The following NCOA3 variants were observed in gnomAD, a reference collection of about 807,000 sequenced individuals.
The protein encoded by NCOA3 is CBP-interacting protein.
Under a neutral mutation model 158.8 loss-of-function variants are expected in NCOA3, and 51 were observed. The observed-to-expected ratio is 0.32, with a 90% confidence interval of 0.26 to 0.41. The LOEUF is 0.41. Among genes scored for constraint, NCOA3 ranks in the 10% least tolerant of loss-of-function variants. The pLI is 1.00. For missense variants in NCOA3, 1,510 were observed against 1,746.6 expected (o/e 0.86, Z 2.41); for synonymous variants, 537 against 592.4 (o/e 0.91, Z 1.36).
chr20:47,628,156 G>A (rs1355124455), intron 8 of NCOA3, 133 bp downstream of exon 8: 4 of 517,610 alleles, frequency 7.7e-6, no homozygotes, highest in South Asian at 4.0e-5. Context: ...AGTGCTTTAT[G>A]TGTATCTTTT....
intron 19 of NCOA3, 60 bp from the exon 20 acceptor site, chr20:47,650,922 T>C: frequency 1.3e-6 from 2 of 1,490,686 alleles, no homozygotes; most frequent in South Asian, 1.2e-5. Context: ...GGGTACTATA[T>C]GTATGCAACT....
chr20:47,519,657 G>A (rs1210897638), intron 1 of NCOA3, among the ~76,000 whole-genome samples: 1 of 152,278 alleles, frequency 6.6e-6, no homozygotes, highest in East Asian at 1.9e-4. Flanking sequence ...GCCAGGCATG[G>A]TGGCACACAC....
chr20:47,644,075 T>C (rs1208969512), intron 17 of NCOA3, among the ~76,000 whole-genome samples: 1 of 151,946 alleles, frequency 6.6e-6, no homozygotes, highest in African/African-American at 2.4e-5. Context: ...ACCTTATCTC[T>C]CCTGTGTTTT....
At chr20:47,584,868 A>G (rs1231492895) in intron 2 of NCOA3, among the ~76,000 whole-genome samples, 1 of 152,098 alleles carries the variant, frequency 6.6e-6, no homozygotes, top group Non-Finnish European at 1.5e-5. Context: ...ACATACAAAT[A>G]CAAACATAAT....
intron 2 of NCOA3, among the ~76,000 whole-genome samples, chr20:47,590,266 G>C (rs2085607421): frequency 6.6e-6 from 1 of 152,092 alleles, no homozygotes; most frequent in Non-Finnish European, 1.5e-5. Flanking sequence ...CCTTTGTCTT[G>C]ACGGAATTTG....
intron 1 of NCOA3, among the ~76,000 whole-genome samples, chr20:47,549,544 A>C (rs1454603457): frequency 1.4e-5 from 2 of 141,970 alleles, no homozygotes; most frequent in Non-Finnish European, 3.0e-5. Context: ...TGGGCAACAG[A>C]GCGAAGACTC....
chr20:47,515,472 C>CTTTTTTT (rs111350575), intron 1 of NCOA3, among the ~76,000 whole-genome samples: 26 of 130,024 alleles, frequency 2.0e-4, no homozygotes, highest in Admixed American at 4.7e-4. Flanking sequence ...TTCTTTCTTT[C>CTTTTTTT]TTTTTTTTTT....
intron 1 of NCOA3, among the ~76,000 whole-genome samples, chr20:47,524,077 A>G (rs959865733): frequency 2.0e-5 from 3 of 152,268 alleles, no homozygotes; most frequent in Non-Finnish European, 4.4e-5. Flanking sequence ...TTTTCCTGTC[A>G]GTGGGACAAT....
At chr20:47,570,500 C>T (rs2085274124) in intron 1 of NCOA3, among the ~76,000 whole-genome samples, 1 of 152,192 alleles carries the variant, frequency 6.6e-6, no homozygotes. Flanking sequence ...CGTGAGGTTA[C>T]AGTAATTCAG....
chr20:47,627,315 C>T (rs2086338515), intron 6 of NCOA3, 139 bp downstream of exon 6: 1 of 753,374 alleles, frequency 1.3e-6, no homozygotes, highest in Admixed American at 3.1e-5. Flanking sequence ...AGAATTTTCA[C>T]ATATGGAGTC....
At chr20:47,535,404 C>A (rs2084616247) in intron 1 of NCOA3, among the ~76,000 whole-genome samples, 1 of 152,228 alleles carries the variant, frequency 6.6e-6, no homozygotes, top group Non-Finnish European at 1.5e-5. Flanking sequence ...GAGTTACACT[C>A]TCTGCCTTAT....
chr20:47,518,868 G>A (rs1392499733), intron 1 of NCOA3, among the ~76,000 whole-genome samples: 1 of 152,132 alleles, frequency 6.6e-6, no homozygotes, highest in East Asian at 1.9e-4. Flanking sequence ...TGGTGCGGTG[G>A]CTCACGCCTG....
rs577432571 is a variant in NCOA3 at position 47,639,176 on chromosome 20, G to A, written c.2681G>A (p.Ser894Asn). The A allele has an allele frequency of 8.0e-5, 129 of 1,613,966 alleles. No individual in the cohort carries two copies. In the South Asian group the frequency reaches 1.3e-3, roughly 17 times the overall value. Residue 894 changes from serine to asparagine, a missense_variant, in exon 14 of 23, where the codon AGT becomes AAT. Physicochemically the swap from Ser to Asn is conservative, Grantham distance 46 (BLOSUM62 1). Transcript: ENST00000371998. ...MLGGNPRMMDSQENYGSSMGG... is the reference protein window; with the variant it reads ...MLGGNPRMMDNQENYGSSMGG... ...GGTGGGAATCCAAGAATGATGGATA[G>A]TCAGGAAAATTATGGCTCAAGTATG...
chr20:47,514,297 C>A (rs1376475766), intron 1 of NCOA3, among the ~76,000 whole-genome samples: 1 of 151,614 alleles, frequency 6.6e-6, no homozygotes, highest in East Asian at 1.9e-4. Context: ...TTCTTCATAA[C>A]CCAATTTCAA....
chr20:47,516,993 C>T (rs978492998), intron 1 of NCOA3, among the ~76,000 whole-genome samples: 6 of 151,822 alleles, frequency 4.0e-5, no homozygotes, highest in East Asian at 3.9e-4. Flanking sequence ...GAGGCCTAGA[C>T]GGATGAATCA....
At chr20:47,555,855 G>T (rs529805909) in intron 1 of NCOA3, among the ~76,000 whole-genome samples, 1 of 150,386 alleles carries the variant, frequency 6.6e-6, no homozygotes, top group Non-Finnish European at 1.5e-5. Flanking sequence ...TGTTAGCCAG[G>T]ATGGTCTCGA....
intron 1 of NCOA3, among the ~76,000 whole-genome samples, chr20:47,581,283 G>T (rs569863078): frequency 9.5e-4 from 144 of 152,022 alleles, no homozygotes; most frequent in African/African-American, 3.3e-3. Context: ...AAAAAAATTC[G>T]AGACACTTAT....
intron 2 of NCOA3, among the ~76,000 whole-genome samples, chr20:47,607,335 C>T (rs1602477072): frequency 6.6e-6 from 1 of 152,300 alleles, no homozygotes; most frequent in Non-Finnish European, 1.5e-5. Flanking sequence ...GTAAGGGTGT[C>T]TTCCTCATTA....
At chr20:47,589,135 C>A (rs1313124993) in intron 2 of NCOA3, among the ~76,000 whole-genome samples, 2 of 152,054 alleles carry the variant, frequency 1.3e-5, no homozygotes, top group Non-Finnish European at 2.9e-5. Flanking sequence ...TCAGGTGATC[C>A]ACCCGCCTCA....
Sources: allele counts gnomAD v4.1 joint callset (sites outside exome capture counted in the v4.1 genomes callset), GRCh38; gene constraint gnomAD v4.1.1; transcripts MANE v1.5; gene names NCBI Gene and HGNC (gene_info 2026-07-23, HGNC 2026-07-21).